PIP5K1C: variants seen among roughly 807,000 people sequenced by gnomAD.
The protein encoded by PIP5K1C is phosphatidylinositol-4-phosphate 5-kinase type 1 gamma, also known as phosphatidylinositol 4-phosphate 5-kinase type-1 gamma.
PIP5K1C carries 45 observed loss-of-function variants against 80.1 expected under a neutral mutation model. That is an observed-to-expected ratio of 0.56 (90% CI 0.44 to 0.72). The LOEUF is 0.72. Among genes scored for constraint, PIP5K1C ranks in the 30% least tolerant of loss-of-function variants. The pLI is 0.00. For synonymous variants in PIP5K1C, 498 were observed against 420.1 expected, an observed-to-expected ratio of 1.19 and a Z score of -2.27; for missense variants, 753 against 954.6, an observed-to-expected ratio of 0.79 and a Z score of 2.78.
intron 1 of PIP5K1C, among the ~76,000 whole-genome samples, chr19:3,691,593 T>C (rs76296225): frequency 1.3e-5 from 2 of 151,962 alleles, no homozygotes; most frequent in South Asian, 2.1e-4. Flanking sequence ...CCAGCCCATC[T>C]ACCCCGCCTG....
At chr19:3,681,702 G>C (rs773149524) in intron 1 of PIP5K1C, among the ~76,000 whole-genome samples, 4 of 152,070 alleles carry the variant, frequency 2.6e-5, no homozygotes, top group Non-Finnish European at 5.9e-5. Context: ...AGAGGTCTCT[G>C]CTAGTCAAAG....
At chr19:3,698,837 A>G (rs1310426475) in intron 1 of PIP5K1C, among the ~76,000 whole-genome samples, 1 of 152,066 alleles carries the variant, frequency 6.6e-6, no homozygotes, top group African/African-American at 2.4e-5. Flanking sequence ...AATTTTAAAC[A>G]TTCAGAAGCA....
intron 1 of PIP5K1C, among the ~76,000 whole-genome samples, chr19:3,677,730 T>TGGG (rs1355478324): frequency 8.9e-6 from 1 of 112,122 alleles, no homozygotes. Flanking sequence ...GATGGAGGGA[T>TGGG]GGAAGGATGG....
intron 1 of PIP5K1C, among the ~76,000 whole-genome samples, chr19:3,699,684 G>C (rs1483053436): frequency 6.6e-6 from 1 of 152,212 alleles, no homozygotes; most frequent in Non-Finnish European, 1.5e-5. Flanking sequence ...CCAGGAAGCA[G>C]CTAAAGGGGG....
chr19:3,646,577 G>A (rs530362250), intron 10 of PIP5K1C, among the ~76,000 whole-genome samples: 10 of 152,288 alleles, frequency 6.6e-5, no homozygotes, highest in African/African-American at 1.9e-4. Flanking sequence ...GACATGCGGC[G>A]GCAGCACAGG....
chr19:3,641,207 C>G (rs1337859082), intron 15 of PIP5K1C, among the ~76,000 whole-genome samples: 1 of 151,622 alleles, frequency 6.6e-6, no homozygotes, highest in Non-Finnish European at 1.5e-5. Context: ...AGAGCAATAT[C>G]CTGTCTCACA....
At chr19:3,653,139 C>A (rs764045451) in intron 7 of PIP5K1C, 151 bp downstream of exon 7, 13 of 675,510 alleles carry the variant, frequency 1.9e-5, no homozygotes, top group Non-Finnish European at 3.2e-5. Flanking sequence ...TTGAGCGCTT[C>A]TGGATCCCAC....
intron 8 of PIP5K1C, among the ~76,000 whole-genome samples, chr19:3,650,721 C>A (rs989137183): frequency 6.6e-6 from 1 of 152,216 alleles, no homozygotes; most frequent in Non-Finnish European, 1.5e-5. Context: ...GATGTGGCCT[C>A]CTCTCTCCAC....
At position 3,637,691 on chromosome 19, in the gene PIP5K1C, G is replaced by A. The variant is rs374276537; in HGVS notation, c.1920+1193C>T. The A allele has an allele frequency of 1.3e-4, 202 of 1,507,822 alleles. No homozygotes were observed. The East Asian group carries it at 3.6e-3, about 27-fold the overall frequency. 93.4% of individuals were successfully genotyped at this position (1,507,822 alleles called of 1,614,324 possible). The stretch of plus-strand genomic sequence containing the variant: ...GGATGAGGCGGCCACCCCCGTGGTC[G>A]GGTGGGAGAGGCGGAGGGAGGTGGC... On this transcript the variant is annotated intron_variant, in intron 16 of 17. Coordinates refer to ENST00000335312, the MANE Select transcript of PIP5K1C (RefSeq NM_012398.3). The surrounding 1 kb of genome is among the most constrained non-coding windows in gnomAD (Gnocchi z 7.0).
intron 14 of PIP5K1C, 62 bp downstream of exon 14, chr19:3,642,845 G>A (rs1363464788): frequency 1.7e-5 from 24 of 1,384,186 alleles, no homozygotes; most frequent in Non-Finnish European, 2.1e-5. Context: ...GCGGGAAACG[G>A]AGCTGGGAGC....
intron 5 of PIP5K1C, among the ~76,000 whole-genome samples, chr19:3,659,922 G>A (rs998311957): frequency 1.3e-5 from 2 of 152,228 alleles, no homozygotes; most frequent in Admixed American, 6.5e-5. Flanking sequence ...CCCGGGGACC[G>A]TGCTGTCGTG....
At chr19:3,643,017 C>T in intron 13 of PIP5K1C, 78 bp from the exon 14 acceptor site, 1 of 1,543,050 alleles carries the variant, frequency 6.5e-7, no homozygotes, top group Non-Finnish European at 9.0e-7. Flanking sequence ...TGCCTACCCG[C>T]CTGCCTACCT....
In PIP5K1C at chr19:3,637,567, A is replaced by G; in HGVS notation, c.1920+1317T>C. 2 of 1,349,532 alleles carry G rather than the reference A, an allele frequency of 1.5e-6. No individual in the cohort carries two copies. Among genetic ancestry groups the G allele is most frequent in the South Asian group, 2.4e-5 (2 of 81,686 alleles). The allele number at this position is 1,349,532 out of a possible 1,614,324, so 83.6% of individuals were successfully genotyped here. A position where few individuals can be genotyped will look rare whatever the true frequency, so the allele number is the denominator to read the frequency against. On this transcript the variant is annotated intron_variant, in intron 16 of 17. Coordinates refer to ENST00000335312, the MANE Select transcript of PIP5K1C (RefSeq NM_012398.3). This position sits in a 1 kb window ranked among gnomAD's most constrained non-coding sequence, Gnocchi z 7.0. ...CGAGGCGCTCAGCGTCACGGCCCGC[A>G]GTCGGCGATGGCGGGGAGAGTAAAT...
At chr19:3,645,039 T>C (rs2145412993) in intron 11 of PIP5K1C, among the ~76,000 whole-genome samples, 1 of 152,360 alleles carries the variant, frequency 6.6e-6, no homozygotes, top group South Asian at 2.1e-4. Flanking sequence ...AGACAGATCC[T>C]GACACGTGGT....
intron 8 of PIP5K1C, among the ~76,000 whole-genome samples, chr19:3,650,971 G>A (rs1297835264): frequency 6.6e-6 from 1 of 151,700 alleles, no homozygotes; most frequent in Non-Finnish European, 1.5e-5. Flanking sequence ...GGCCAGGCTG[G>A]TCTGGAACTC....
intron 16 of PIP5K1C, among the ~76,000 whole-genome samples, chr19:3,638,430 G>A (rs1364888681): frequency 3.9e-5 from 6 of 152,216 alleles, no homozygotes; most frequent in Non-Finnish European, 8.8e-5. Flanking sequence ...CCACGCCCAC[G>A]GCAACAGGGA....
chr19:3,637,738 G>A lies in PIP5K1C; in HGVS notation c.1920+1146C>T, dbSNP rs2033761371. ...TGGCGGGGAGCAGGTGGGGACAGCT[G>A]ACTGCCAAGCAGAAGGTGGGGGGTG... On this transcript the variant is annotated intron_variant, in intron 16 of 17. Transcript: ENST00000335312. The surrounding 1 kb of genome is among the most constrained non-coding windows in gnomAD (Gnocchi z 7.0). 6.6e-7 allele frequency: 1 copy of A among 1,524,808 alleles called. No homozygotes were observed. The highest frequency in any genetic ancestry group is 1.4e-5 in the African/African-American group (1 of 72,904). The allele number at this position is 1,524,808 out of a possible 1,614,324, so 94.5% of individuals were successfully genotyped here.
chr19:3,660,080 G>A (rs1424419955), intron 5 of PIP5K1C, among the ~76,000 whole-genome samples: 1 of 152,180 alleles, frequency 6.6e-6, no homozygotes, highest in Non-Finnish European at 1.5e-5. Context: ...GCTCACGCCT[G>A]GAATCCCAGC....
intron 6 of PIP5K1C, 22 bp from the exon 7 acceptor site, chr19:3,653,611 T>C (rs778275718): frequency 6.3e-7 from 1 of 1,597,538 alleles, no homozygotes; most frequent in Non-Finnish European, 8.5e-7. Flanking sequence ...AGAGGGCAAG[T>C]CGTGGAGGGC....
Sources: gnomAD v4.1 joint callset for allele counts (sites outside exome capture counted in the v4.1 genomes callset) on GRCh38, gnomAD v4.1.1 for gene constraint, Gnocchi (gnomAD v3.1) non-coding constraint, MANE v1.5 for transcripts, NCBI Gene and HGNC (gene_info 2026-07-23, HGNC 2026-07-21) for gene names.